The following SLC4A2 variants were observed in gnomAD, a reference collection of about 807,000 sequenced individuals.
SLC4A2 encodes anion exchange protein 2.
SLC4A2 carries 36 observed loss-of-function variants against 115.0 expected under a neutral mutation model. That is an observed-to-expected ratio of 0.31 (90% CI 0.24 to 0.41). The LOEUF (loss-of-function observed/expected upper bound fraction) is 0.41, where lower values mean the gene tolerates loss of function less well. Ranked by LOEUF, SLC4A2 falls within the 10% of genes least tolerant of loss-of-function variation. SLC4A2 has a pLI of 1.00. For synonymous variants in SLC4A2, 708 were observed against 708.3 expected (o/e 1.00, Z 0.01); for missense variants, 1,252 against 1,705.6 (o/e 0.73, Z 4.68).
intron 8 of SLC4A2, among the ~76,000 whole-genome samples, chr7:151,069,528 CAG>C (rs1797355928): frequency 6.6e-6 from 1 of 152,168 alleles, no homozygotes; most frequent in African/African-American, 2.4e-5. Context: ...AGTTGTGTAT[CAG>C]GGTAGAACTA....
intron 2 of SLC4A2, chr7:151,063,127 A>G (rs1797109401): frequency 7.1e-7 from 1 of 1,416,106 alleles, no homozygotes. Flanking sequence ...AGCTCTTACA[A>G]GCGCCGCATT....
At chr7:151,072,663 T>C (rs551749156) in intron 16 of SLC4A2, among the ~76,000 whole-genome samples, 17 of 151,130 alleles carry the variant, frequency 1.1e-4, no homozygotes, top group African/African-American at 4.1e-4. Flanking sequence ...TATTTCTTTT[T>C]TTTTTTTTTT....
At position 151,075,285 on chromosome 7, in the gene SLC4A2, G is replaced by T; in HGVS notation, c.3078G>T (p.Leu1026=). The change falls in exon 20 of 23, where the codon CTG becomes CTT. Residue 1026 remains leucine, a synonymous_variant. Coordinates refer to ENST00000413384, the MANE Select transcript of SLC4A2 (RefSeq NM_003040.4). ...TLIISKKERM[L]QKGSGFHLDL... is the part of the protein sequence containing the mutation. ...TCATCTCCAAGAAGGAGCGCATGCT[G>T]CAGAAGGGCTCCGGCTTCCACCTGG... The T allele has an allele frequency of 6.2e-7, 1 of 1,613,360 alleles. No individual in the cohort carries two copies.
At position 151,060,714 on chromosome 7, in the gene SLC4A2, G is replaced by A. The variant is rs1049092773; in HGVS notation, c.-64+952G>A. Among the ~76,000 whole-genome samples, 8 of 152,124 alleles carry A rather than the reference G, an allele frequency of 5.3e-5. No homozygotes were observed. Among genetic ancestry groups the A allele is most frequent in the Admixed American group, 5.2e-4 (8 of 15,282 alleles). ...CCCTTCCCAGACTGGGTGCACTCAC[G>A]CTCACCCACACCACCCGCCCTGGCT... On this transcript the variant is annotated intron_variant, in intron 1 of 22. Coordinates refer to ENST00000413384, the MANE Select transcript of SLC4A2 (RefSeq NM_003040.4). This position sits in a 1 kb window ranked among gnomAD's most constrained non-coding sequence, Gnocchi z 5.9.
intron 21 of SLC4A2, 49 bp from the exon 22 acceptor site, chr7:151,075,964 C>T: frequency 6.5e-7 from 1 of 1,530,800 alleles, no homozygotes; most frequent in Non-Finnish European, 8.8e-7. Flanking sequence ...AGGCTCTTCC[C>T]AGCAGCAGGC....
In SLC4A2 at chr7:151,069,921, G is replaced by A. The variant is rs547503672; in HGVS notation, c.1148-26G>A. 3.7e-6 allele frequency: 6 copies of A among 1,613,390 alleles called. 1 individual carries two copies. Among genetic ancestry groups the A allele is most frequent in the East Asian group, 4.5e-5 (2 of 44,882 alleles). ...CACTGTTTTGTGACCTGGGGCTGAGGGGCCCTCTGTGCCATCTTATGCTAG... is the reference window on the plus strand; with the variant it reads ...CACTGTTTTGTGACCTGGGGCTGAGAGGCCCTCTGTGCCATCTTATGCTAG... On this transcript the variant is annotated intron_variant, in intron 8 of 22. Coordinates refer to ENST00000413384, the MANE Select transcript of SLC4A2 (RefSeq NM_003040.4).
Position 151,066,774 on chromosome 7 carries a change from C to T in SLC4A2, c.823+13C>T, listed in dbSNP as rs1187278887. 6.3e-7 allele frequency: 1 copy of T among 1,577,402 alleles called. No homozygotes were observed. The highest frequency in any genetic ancestry group is 8.6e-7 in the Non-Finnish European group (1 of 1,161,048). ...GACCTCATGAAGAGTAAGTGCTGGG[C>T]CTTGGCCAAGCCCGGCACTGGTGGG... On this transcript the variant is annotated intron_variant, in intron 6 of 22. Transcript: ENST00000413384.
rs766718759 is a variant in SLC4A2 at position 151,069,925 on chromosome 7, C to G, written c.1148-22C>G. On this transcript the variant is annotated intron_variant, in intron 8 of 22. Transcript: ENST00000413384. ...GTTTTGTGACCTGGGGCTGAGGGGC[C>G]CTCTGTGCCATCTTATGCTAGGGGC... is the stretch of plus-strand genomic sequence containing the variant. The G allele has an allele frequency of 5.6e-6, 9 of 1,613,380 alleles. No individual in the cohort carries two copies. The Admixed American group carries it at 1.5e-4, about 27-fold the overall frequency.
Position 151,060,783 on chromosome 7 carries a change from TG to T in SLC4A2, c.-64+1023del, listed in dbSNP as rs1340653134. Among the ~76,000 whole-genome samples, 3 of 152,098 alleles carry T rather than the reference TG, an allele frequency of 2.0e-5. No homozygotes were observed. The South Asian group carries it at 6.2e-4, about 31-fold the overall frequency. On this transcript the variant is annotated intron_variant, in intron 1 of 22. Transcript: ENST00000413384. This position sits in a 1 kb window ranked among gnomAD's most constrained non-coding sequence, Gnocchi z 5.9. ...AGGGGAAGAGCGTGGTTAGCCAAGTTGGAGTGCTTGCCAAGAATGTGTTGCC... is the reference window on the plus strand; with the variant it reads ...AGGGGAAGAGCGTGGTTAGCCAAGTTGAGTGCTTGCCAAGAATGTGTTGCC...
In SLC4A2 at chr7:151,074,792, C is replaced by T; in HGVS notation, c.2998C>T (p.Pro1000Ser). 1 of 1,613,104 alleles carries T rather than the reference C, an allele frequency of 6.2e-7. No individual in the cohort carries two copies. Among genetic ancestry groups the T allele is most frequent in the Non-Finnish European group, 8.5e-7 (1 of 1,179,588 alleles). ...PVWMMVASLL[P>S]AILVFILIFM... ...GTGGATGATGGTTGCCAGCCTGCTG[C>T]CCGCCATCCTGGTCTTCATTCTCAT... Residue 1000 changes from proline to serine, a missense_variant, in exon 19 of 23, where the codon CCC becomes TCC. Pro to Ser is a moderately conservative substitution (Grantham distance 74, BLOSUM62 -1). Around this residue, in one of 14 missense-constraint regions of SLC4A2, gnomAD observed 253 missense variants for 407.4 expected, o/e 0.62. Coordinates refer to ENST00000413384, the MANE Select transcript of SLC4A2 (RefSeq NM_003040.4).
rs1045544945 is a variant in SLC4A2, at chr7:151,060,168, G to C, written c.-64+406G>C. On this transcript the variant is annotated intron_variant, in intron 1 of 22. Transcript: ENST00000413384. This position sits in a 1 kb window ranked among gnomAD's most constrained non-coding sequence, Gnocchi z 5.9. The stretch of plus-strand genomic sequence containing the variant: ...CGGGGCCCCCATCCCCAATCTCCGG[G>C]TTGAGAGGCGAAGCCAGGAAAGGCG... The C allele has an allele frequency of 1.9e-4, 29 of 151,228 alleles. No homozygotes were observed. The highest frequency in any genetic ancestry group is 7.1e-4 in the African/African-American group (29 of 41,050). 9.4% of individuals were successfully genotyped at this position (151,228 alleles called of 1,614,324 possible). A position where few individuals can be genotyped will look rare whatever the true frequency, so the allele number is the denominator to read the frequency against.
At chr7:151,066,075 C>T (rs1389964075) in intron 5 of SLC4A2, among the ~76,000 whole-genome samples, 5 of 152,318 alleles carry the variant, frequency 3.3e-5, no homozygotes, top group East Asian at 1.9e-4. Context: ...CTGTGAACCT[C>T]TGAGTCCCAT....
intron 7 of SLC4A2, among the ~76,000 whole-genome samples, chr7:151,067,425 C>G (rs1797272303): frequency 6.6e-6 from 1 of 152,178 alleles, no homozygotes; most frequent in South Asian, 2.1e-4. Flanking sequence ...GTACACTGCA[C>G]AAGAGTGCAG....
In SLC4A2 at chr7:151,071,418, G is replaced by A. The variant is rs527345139; in HGVS notation, c.2004G>A (p.Gly668=). 5 of 1,601,862 alleles carry A rather than the reference G, an allele frequency of 3.1e-6. No homozygotes were observed. The highest frequency in any genetic ancestry group is 2.2e-5 in the East Asian group (1 of 44,748). ...KALLQMVEAA[G]AAEDDPLRRT... is the part of the protein sequence containing the mutation. ...TCCTGCAGATGGTAGAGGCGGCAGG[G>A]GCAGCTGAAGATGATCCCCTTCGGC... Residue 668 remains glycine, a synonymous_variant, in exon 14 of 23, where the codon GGG becomes GGA. Transcript: ENST00000413384. The surrounding 1 kb of genome is among the most constrained non-coding windows in gnomAD (Gnocchi z 5.5).
At position 151,066,856 on chromosome 7, in the gene SLC4A2, C is replaced by A. The variant is rs1340270769; in HGVS notation, c.829C>A (p.Arg277=). 6.2e-7 allele frequency: 1 copy of A among 1,611,896 alleles called. No homozygotes were observed. Among genetic ancestry groups the A allele is most frequent in the Non-Finnish European group, 8.5e-7 (1 of 1,179,036 alleles). The part of the protein sequence containing the change: ...TADLDLMKSH[R]FEDVPGVRRH... Reference sequence around the variant, plus strand: ...TTGGTCCTCTGCCCCCACAGGTCACCGGTTTGAGGACGTTCCTGGGGTGCG... The same window carrying A: ...TTGGTCCTCTGCCCCCACAGGTCACAGGTTTGAGGACGTTCCTGGGGTGCG... The change falls in exon 7 of 23, where the codon CGG becomes AGG. Residue 277 remains arginine, a synonymous_variant. Transcript: ENST00000413384.
At position 151,070,047 on chromosome 7, in the gene SLC4A2, G is replaced by T; in HGVS notation, c.1248G>T (p.Arg416Ser). ...VISDQIKAED[R>S]ANVLRALLLK... ...CTGACCAGATCAAGGCCGAGGACAG[G>T]GCCAACGTGCTGCGGGCTCTGCTGT... The change falls in exon 9 of 23, where the codon AGG becomes AGT. Residue 416 changes from arginine to serine, a missense_variant. This residue lies in a region of SLC4A2 where 142 missense variants were observed against 153.5 expected (regional missense o/e 0.93). Coordinates refer to ENST00000413384, the MANE Select transcript of SLC4A2 (RefSeq NM_003040.4). The T allele has an allele frequency of 6.2e-7, 1 of 1,614,132 alleles. No individual in the cohort carries two copies. The highest frequency in any genetic ancestry group is 8.5e-7 in the Non-Finnish European group (1 of 1,180,006).
intron 5 of SLC4A2, among the ~76,000 whole-genome samples, chr7:151,066,181 C>T (rs1239828203): frequency 6.6e-6 from 1 of 152,216 alleles, no homozygotes; most frequent in East Asian, 1.9e-4. Context: ...AGGACCTGCA[C>T]TGGGACTTTT....
chr7:151,062,853 G>A, intron 2 of SLC4A2: 1 of 1,381,732 alleles, frequency 7.2e-7, no homozygotes, highest in Non-Finnish European at 9.3e-7. Context: ...CTCTTATCCG[G>A]TGTTCTGCCA....
At position 151,076,140 on chromosome 7, in the gene SLC4A2, G is replaced by A. The variant is rs753728583; in HGVS notation, c.3599G>A (p.Arg1200His). The A allele has an allele frequency of 6.8e-6, 11 of 1,610,266 alleles. No individual in the cohort carries two copies. The highest frequency in any genetic ancestry group is 6.7e-5 in the East Asian group (3 of 44,862). Residue 1200 changes from arginine to histidine, a missense_variant, in exon 22 of 23, where the codon CGC becomes CAC. Arg to His is a conservative substitution (Grantham distance 29). Coordinates refer to ENST00000413384, the MANE Select transcript of SLC4A2 (RefSeq NM_003040.4). ...PFILILTVPL[R>H]MVVLTRIFTD... ...ATCCTCATCCTCACAGTGCCGCTCC[G>A]CATGGTGGTGCTCACCCGTATCTTC... is the stretch of plus-strand genomic sequence containing the variant.
Sources: gnomAD v4.1 joint callset for allele counts (sites outside exome capture counted in the v4.1 genomes callset) on GRCh38, gnomAD v4.1.1 for gene constraint, gnomAD v4.1.1 regional missense constraint, Gnocchi (gnomAD v3.1) non-coding constraint, MANE v1.5 for transcripts, NCBI Gene and HGNC (gene_info 2026-07-23, HGNC 2026-07-21) for gene names.